CRAT: variants seen among roughly 807,000 people sequenced by gnomAD.
CRAT encodes carnitine acetylase.
CRAT carries 66 observed loss-of-function variants against 73.7 expected under a neutral mutation model. The observed-to-expected ratio is 0.90, with a 90% CI of 0.73 to 1.10. The LOEUF (loss-of-function observed/expected upper bound fraction) is 1.10. CRAT is among the 50% of genes least tolerant of loss of function. The pLI is 0.00. For missense variants in CRAT, 745 were observed against 846.9 expected, an observed-to-expected ratio of 0.88 and a Z score of 1.49; for synonymous variants, 321 against 343.2, an observed-to-expected ratio of 0.94 and a Z score of 0.71.
rs1847183273 is a variant in CRAT at position 129,094,965 on chromosome 9, C to T, written c.*432G>A. 9.7e-6 allele frequency: 2 copies of T among 207,222 alleles called. No individual in the cohort carries two copies. The highest frequency in any genetic ancestry group is 8.9e-5 in the South Asian group (1 of 11,204). The allele number at this position is 207,222 out of a possible 1,614,324, so 12.8% of individuals were successfully genotyped here. ...CACACCCTGGCCCCTCGGCCCCAGA[C>T]AATCCTGTCTCCAGGTCCTGGGAGT... On this transcript the variant is annotated 3_prime_UTR_variant, in exon 14 of 14. Transcript: ENST00000318080.
rs199817861 is a variant in CRAT at position 129,100,594 on chromosome 9, G to C, written c.901C>G (p.Arg301Gly). The C allele has an allele frequency of 8.1e-6, 13 of 1,613,874 alleles. No homozygotes were observed. In the East Asian group the frequency reaches 2.7e-4, roughly 33 times the overall value. The change falls in exon 7 of 14, where the codon CGC becomes GGC. Residue 301 changes from arginine (R) to glycine (G), a missense_variant. Transcript: ENST00000318080. ...AGCATCTGGCCTGCCACGTGGCTGC[G>C]GTACACGTCTTCTGAGACCCTGGGC... Reference protein sequence around the residue: ...TMPRVSEDVYRSHVAGQMLHG... With the variant: ...TMPRVSEDVYGSHVAGQMLHG...
chr9:129,096,700 C>T (rs1483446651), intron 12 of CRAT, among the ~76,000 whole-genome samples: 2 of 152,182 alleles, frequency 1.3e-5, no homozygotes, highest in African/African-American at 4.8e-5. Flanking sequence ...GACCCAACAT[C>T]TAGGGCCCAG....
chr9:129,103,976 G>A lies in CRAT; in HGVS notation c.410+212C>T, dbSNP rs1320351352. Among the ~76,000 whole-genome samples, 1 of 152,194 alleles carries A rather than the reference G, an allele frequency of 6.6e-6. No individual in the cohort carries two copies. The highest frequency in any genetic ancestry group is 1.5e-5 in the Non-Finnish European group (1 of 68,018). On this transcript the variant is annotated intron_variant, in intron 3 of 13. Coordinates refer to ENST00000318080, the MANE Select transcript of CRAT (RefSeq NM_000755.5). This position sits in a 1 kb window ranked among gnomAD's most constrained non-coding sequence, Gnocchi z 4.6. ...ACAGCCATGAGGCTTTAGAGCTGGAGAGACCCTGCTTCCTGAATGGGGTCT... is the reference window on the plus strand; with the variant it reads ...ACAGCCATGAGGCTTTAGAGCTGGAAAGACCCTGCTTCCTGAATGGGGTCT...
chr9:129,102,915 C>T, intron 4 of CRAT, 98 bp downstream of exon 4: 1 of 1,176,494 alleles, frequency 8.5e-7, no homozygotes, highest in Non-Finnish European at 1.3e-6. Flanking sequence ...GCCCAGGGCC[C>T]AAGCTGGCAT....
chr9:129,105,991 G>T (rs1238573629), intron 2 of CRAT, among the ~76,000 whole-genome samples: 1 of 152,140 alleles, frequency 6.6e-6, no homozygotes, highest in East Asian at 1.9e-4. Context: ...CACACAGCCA[G>T]TACAGCTTTC....
chr9:129,097,373 G>A, intron 11 of CRAT, 61 bp from the exon 12 acceptor site: 4 of 1,331,376 alleles, frequency 3.0e-6, no homozygotes, highest in Non-Finnish European at 4.2e-6. Context: ...GCCCACCTCA[G>A]TAGCCCACCC....
At chr9:129,098,695 G>A (rs755049012) in intron 8 of CRAT, 45 bp from the exon 9 acceptor site, 8 of 1,570,548 alleles carry the variant, frequency 5.1e-6, no homozygotes, top group Middle Eastern at 1.7e-4. Context: ...TGCCTCTAGA[G>A]CCTGGGTCCA....
rs1847826527 is a variant in CRAT, at chr9:129,103,667, C to T, written c.410+521G>A. ...GGAGTTCCTGGGCCTGAACCCCGGCCCTTCCCAGGGTACCCTGGTCCCTTT... is the reference window on the plus strand; with the variant it reads ...GGAGTTCCTGGGCCTGAACCCCGGCTCTTCCCAGGGTACCCTGGTCCCTTT... On this transcript the variant is annotated intron_variant, in intron 3 of 13. Transcript: ENST00000318080. The surrounding 1 kb of genome is among the most constrained non-coding windows in gnomAD (Gnocchi z 4.6). 6.6e-6 allele frequency among the ~76,000 whole-genome samples: 1 copy of T among 152,178 alleles called. No individual in the cohort carries two copies.
At chr9:129,102,624 G>A (rs1847760654) in intron 4 of CRAT, 59 bp from the exon 5 acceptor site, 1 of 1,586,212 alleles carries the variant, frequency 6.3e-7, no homozygotes, top group East Asian at 2.2e-5. Flanking sequence ...AGGAGGGCAG[G>A]GTAGACAGGG....
chr9:129,103,009 T>C lies in CRAT; in HGVS notation c.464+4A>G. ...TGGGGCTGGGCAGGGGTGGGGATGCTCACTTGTCAATCATGACCTTGAAAT... is the reference window on the plus strand; with the variant it reads ...TGGGGCTGGGCAGGGGTGGGGATGCCCACTTGTCAATCATGACCTTGAAAT... On this transcript the variant is annotated splice_donor_region_variant and intron_variant, in intron 4 of 13. Transcript: ENST00000318080. The surrounding 1 kb of genome is among the most constrained non-coding windows in gnomAD (Gnocchi z 4.6). 6.2e-7 allele frequency: 1 copy of C among 1,613,664 alleles called. No individual in the cohort carries two copies. The highest frequency in any genetic ancestry group is 8.5e-7 in the Non-Finnish European group (1 of 1,179,616).
At chr9:129,095,643 C>T (rs745701804) in intron 13 of CRAT, 31 bp from the exon 14 acceptor site, 3 of 1,598,152 alleles carry the variant, frequency 1.9e-6, no homozygotes, top group Non-Finnish European at 2.6e-6. Context: ...GCTCTCAGCT[C>T]CCCTACCTTG....
intron 1 of CRAT, chr9:129,108,897 G>T (rs1255425954): frequency 7.7e-7 from 1 of 1,294,084 alleles, no homozygotes; most frequent in Non-Finnish European, 1.0e-6. Context: ...GCAGCCACTT[G>T]CCTGGGCTGG....
rs1321595059 is a variant in CRAT, at chr9:129,104,147, G to A, written c.410+41C>T. The A allele has an allele frequency of 8.1e-6, 12 of 1,489,848 alleles. No individual in the cohort carries two copies. In the South Asian group the frequency reaches 1.2e-4, roughly 15 times the overall value. The allele number at this position is 1,489,848 out of a possible 1,614,324, so 92.3% of individuals were successfully genotyped here. Reference sequence around the variant, plus strand: ...AGCGGCTGGGCGAAGTGAACTCGAGGGGCCCGGCTGCCTCCTGGCCCCCAA... The same window carrying A: ...AGCGGCTGGGCGAAGTGAACTCGAGAGGCCCGGCTGCCTCCTGGCCCCCAA... On this transcript the variant is annotated intron_variant, in intron 3 of 13. Coordinates refer to ENST00000318080, the MANE Select transcript of CRAT (RefSeq NM_000755.5).
rs753394063 is a variant in CRAT, at chr9:129,095,473, C to A, written c.1805G>T (p.Arg602Leu). 2.2e-5 allele frequency: 35 copies of A among 1,613,322 alleles called. No homozygotes were observed. Among genetic ancestry groups the A allele is most frequent in the Non-Finnish European group, 2.7e-5 (32 of 1,180,002 alleles). Residue 602 changes from arginine to leucine, a missense_variant, in exon 14 of 14, where the codon CGC becomes CTC. By Grantham distance (102) the Arg-to-Leu change is moderately radical. Transcript: ENST00000318080. ...YNSCAETNAA[R>L]LAHYLEKALL... Reference sequence around the variant, plus strand: ...CGCCTTCTCCAGGTAATGCGCCAGGCGGGCGGCGTTGGTCTCCGCGCAGCT... The same window carrying A: ...CGCCTTCTCCAGGTAATGCGCCAGGAGGGCGGCGTTGGTCTCCGCGCAGCT...
At position 129,098,645 on chromosome 9, in the gene CRAT, T is replaced by G; in HGVS notation, c.1091A>C (p.Lys364Thr). The change falls in exon 9 of 14, where the codon AAA becomes ACA. Residue 364 changes from lysine (K) to threonine (T), a missense_variant. Coordinates refer to ENST00000318080, the MANE Select transcript of CRAT (RefSeq NM_000755.5). ...LLDYVIEYTK[K>T]PELVRSPLVP... ...CAGGGGAGACCGCACAAGCTCGGGT[T>G]TCTTCCTGCACAGTAAACGGGGCCT... 1.2e-6 allele frequency: 2 copies of G among 1,603,142 alleles called. No individual in the cohort carries two copies. The highest frequency in any genetic ancestry group is 1.7e-6 in the Non-Finnish European group (2 of 1,177,190).
At chr9:129,098,204 C>T (rs748031180) in intron 10 of CRAT, 45 bp downstream of exon 10, 1 of 1,612,806 alleles carries the variant, frequency 6.2e-7, no homozygotes, top group Non-Finnish European at 8.5e-7. Flanking sequence ...CCTCCCCTGC[C>T]CCCAGGTCTC....
rs372877447 is a variant in CRAT, at chr9:129,102,069, C to T, written c.631-12G>A. On this transcript the variant is annotated splice_polypyrimidine_tract_variant and intron_variant, in intron 5 of 13. Coordinates refer to ENST00000318080, the MANE Select transcript of CRAT (RefSeq NM_000755.5). ...TCCAGCTCAAAAAACTGTTGGGGCA[C>T]AGGCAGGTAAGAGGAGGGAGCTGAG... 50 of 1,612,506 alleles carry T rather than the reference C, an allele frequency of 3.1e-5. No homozygotes were observed. The African/African-American group carries it at 4.8e-4, about 15-fold the overall frequency.
At position 129,097,262 on chromosome 9, in the gene CRAT, G is replaced by C. The variant is rs781605380; in HGVS notation, c.1515C>G (p.Gly505=). ...LLRKAVQAHR[G]YTDRAIRGEA... Reference sequence around the variant, plus strand: ...CGGGCTCACTTACCCGGTCGGTGTAGCCTCGGTGGGCCTGCACGGCCTTCC... The same window carrying C: ...CGGGCTCACTTACCCGGTCGGTGTACCCTCGGTGGGCCTGCACGGCCTTCC... Residue 505 remains glycine, a synonymous_variant, in exon 12 of 14, where the codon GGC becomes GGG. Coordinates refer to ENST00000318080, the MANE Select transcript of CRAT (RefSeq NM_000755.5). The C allele has an allele frequency of 3.9e-5, 60 of 1,557,312 alleles. No individual in the cohort carries two copies. Among genetic ancestry groups the C allele is most frequent in the Middle Eastern group, 1.7e-4 (1 of 5,954 alleles).
chr9:129,097,133 G>A, intron 12 of CRAT, 117 bp downstream of exon 12: 1 of 838,934 alleles, frequency 1.2e-6, no homozygotes, highest in Non-Finnish European at 1.8e-6. Context: ...CAGGTTGGGG[G>A]AGATGTGGTC....
Sources: gnomAD v4.1 joint callset for allele counts (sites outside exome capture counted in the v4.1 genomes callset) on GRCh38, gnomAD v4.1.1 for gene constraint, Gnocchi (gnomAD v3.1) non-coding constraint, MANE v1.5 for transcripts, NCBI Gene and HGNC (gene_info 2026-07-23, HGNC 2026-07-21) for gene names.